ERC1: variants seen among roughly 807,000 people sequenced by gnomAD.
ERC1 encodes RAB6 interacting protein 2.
ERC1 carries 56 observed loss-of-function variants against 132.0 expected under a neutral mutation model. The ratio of observed to expected loss-of-function variants is 0.42; its 90% CI spans 0.34 to 0.53. The LOEUF is 0.53. Ranked by LOEUF, ERC1 falls within the 20% of genes least tolerant of loss-of-function variation. The probability of loss-of-function intolerance (pLI) is 0.03; values close to 1 mark genes in which losing one functional copy is unlikely to be tolerated. For missense variants in ERC1, 1,202 were observed against 1,349.9 expected (o/e 0.89, Z 1.72); for synonymous variants, 478 against 476.1 (o/e 1.00, Z -0.05).
chr12:1,226,854 T>A (rs73593986), intron 12 of ERC1, among the ~76,000 whole-genome samples: 8,112 of 152,180 alleles, frequency 0.053, 462 homozygotes, highest in African/African-American at 0.15. Flanking sequence ...TTTTTCTGTT[T>A]TTAGTAGAGA....
intron 15 of ERC1, among the ~76,000 whole-genome samples, chr12:1,342,898 G>T (rs958540732): frequency 4.6e-5 from 7 of 152,242 alleles, no homozygotes; most frequent in East Asian, 1.9e-4. Flanking sequence ...CAGGAAGATC[G>T]TGCTGACCCT....
At chr12:1,263,870 A>C (rs896510018) in intron 14 of ERC1, among the ~76,000 whole-genome samples, 3 of 151,792 alleles carry the variant, frequency 2.0e-5, no homozygotes, top group Admixed American at 6.6e-5. Context: ...TTGTATTTTT[A>C]GTAAAGTTGG....
chr12:1,281,149 G>A (rs188620500), intron 14 of ERC1, among the ~76,000 whole-genome samples: 1 of 152,178 alleles, frequency 6.6e-6, no homozygotes, highest in East Asian at 1.9e-4. Context: ...CTTAGAAGAA[G>A]GGCTGAATCC....
chr12:1,401,442 T>G (rs11613643), intron 16 of ERC1, among the ~76,000 whole-genome samples: 26,192 of 152,090 alleles, frequency 0.17, 2,426 homozygotes, highest in Admixed American at 0.27. Flanking sequence ...GTTTTTTCTG[T>G]TCTTTCCTCT....
intron 1 of ERC1, among the ~76,000 whole-genome samples, chr12:999,609 ATTTTTTTTTT>A (rs10661786): frequency 9.7e-6 from 1 of 102,950 alleles, no homozygotes. Flanking sequence ...GTGCTAGGTG[ATTTTTTTTTT>A]TTTTTTTTTT....
intron 16 of ERC1, among the ~76,000 whole-genome samples, chr12:1,374,595 C>T (rs142811072): frequency 8.6e-4 from 131 of 152,324 alleles, no homozygotes; most frequent in African/African-American, 2.9e-3. Context: ...GGCCCCCGCA[C>T]GAGATTTAAT....
intron 15 of ERC1, among the ~76,000 whole-genome samples, chr12:1,352,593 T>C (rs1000355908): frequency 1.3e-5 from 2 of 150,556 alleles, no homozygotes; most frequent in Admixed American, 6.6e-5. Flanking sequence ...AAACATCACA[T>C]TGAGATCTGT....
intron 12 of ERC1, among the ~76,000 whole-genome samples, chr12:1,216,391 CAGTT>C (rs1272481885): frequency 6.6e-6 from 1 of 152,106 alleles, no homozygotes; most frequent in African/African-American, 2.4e-5. Context: ...TGATTTCCCA[CAGTT>C]AGCCTCCAGC....
At chr12:1,251,984 T>A (rs1380106164) in intron 13 of ERC1, among the ~76,000 whole-genome samples, 1 of 152,182 alleles carries the variant, frequency 6.6e-6, no homozygotes, top group East Asian at 1.9e-4. Flanking sequence ...TTTTTTTTCT[T>A]AAATTTTATT....
intron 12 of ERC1, among the ~76,000 whole-genome samples, chr12:1,214,050 AG>A (rs1233261788): frequency 5.9e-5 from 9 of 152,348 alleles, no homozygotes; most frequent in Admixed American, 5.9e-4. Flanking sequence ...CTAAGAACAG[AG>A]GAATACATGC....
chr12:1,124,730 C>A (rs765771611), intron 7 of ERC1, among the ~76,000 whole-genome samples: 1 of 151,904 alleles, frequency 6.6e-6, no homozygotes, highest in Non-Finnish European at 1.5e-5. Flanking sequence ...ACAGCTCTTA[C>A]AGATGATAAA....
intron 14 of ERC1, among the ~76,000 whole-genome samples, chr12:1,285,780 TCAA>T (rs1384471980): frequency 2.6e-5 from 4 of 152,134 alleles, no homozygotes; most frequent in Non-Finnish European, 5.9e-5. Flanking sequence ...GAACAATCAC[TCAA>T]CAACATATTT....
intron 8 of ERC1, among the ~76,000 whole-genome samples, chr12:1,150,919 A>G (rs1033845225): frequency 2.6e-5 from 4 of 152,200 alleles, no homozygotes; most frequent in Non-Finnish European, 5.9e-5. Context: ...AAACTAAGGA[A>G]ATGCGAATAA....
At chr12:1,287,433 G>T (rs1264279124) in intron 14 of ERC1, among the ~76,000 whole-genome samples, 2 of 152,182 alleles carry the variant, frequency 1.3e-5, no homozygotes, top group African/African-American at 4.8e-5. Context: ...TATTCTGGGT[G>T]TTTCTGTGAG....
chr12:1,479,738 A>T (rs1378790567), intron 18 of ERC1, among the ~76,000 whole-genome samples: 1 of 152,162 alleles, frequency 6.6e-6, no homozygotes. Flanking sequence ...GGACAGAGAC[A>T]TGGAGAGTTA....
chr12:1,221,952 G>A (rs1309568627), intron 12 of ERC1, among the ~76,000 whole-genome samples: 4 of 152,102 alleles, frequency 2.6e-5, no homozygotes, highest in African/African-American at 2.4e-5. Flanking sequence ...ATATCATAGC[G>A]TATACTAACA....
At chr12:1,484,149 CA>C (rs1197264159) in intron 18 of ERC1, among the ~76,000 whole-genome samples, 8 of 151,642 alleles carry the variant, frequency 5.3e-5, no homozygotes, top group Admixed American at 3.3e-4. Context: ...ACTAAAAATA[CA>C]AAAAATTAGC....
chr12:1,063,117 G>A (rs1414537657), intron 2 of ERC1, among the ~76,000 whole-genome samples: 1 of 151,998 alleles, frequency 6.6e-6, no homozygotes, highest in African/African-American at 2.4e-5. Context: ...AGGCTGGAGT[G>A]ACTGTAGTAG....
At chr12:1,212,514 CACGA>C (rs1257840212) in intron 12 of ERC1, among the ~76,000 whole-genome samples, 1 of 152,144 alleles carries the variant, frequency 6.6e-6, no homozygotes, top group Admixed American at 6.5e-5. Context: ...TATTTGAGAG[CACGA>C]ACAATTTTTA....
Sources: gnomAD v4.1 joint callset for allele counts (sites outside exome capture counted in the v4.1 genomes callset) on GRCh38, gnomAD v4.1.1 for gene constraint, MANE v1.5 for transcripts, NCBI Gene and HGNC (gene_info 2026-07-23, HGNC 2026-07-21) for gene names.